SLC25A26: variants seen among roughly 807,000 people sequenced by gnomAD.
SLC25A26 encodes the protein solute carrier family 25 member 26.
A neutral mutation model predicts 37.8 loss-of-function variants in SLC25A26; 36 were observed. The ratio of observed to expected loss-of-function variants is 0.95; its 90% confidence interval spans 0.73 to 1.26. The LOEUF (loss-of-function observed/expected upper bound fraction) is 1.26, where lower values mean the gene tolerates loss of function less well. SLC25A26 is among the 50% of genes most tolerant of loss of function. The pLI, the probability that SLC25A26 is intolerant of heterozygous loss-of-function variation, is 0.00. For missense variants in SLC25A26, 390 were observed against 331.1 expected, an observed-to-expected ratio of 1.18 and a Z score of -1.38; for synonymous variants, 129 against 122.5, an observed-to-expected ratio of 1.05 and a Z score of -0.35.
At chr3:66,236,470 G>GC in intron 1 of SLC25A26, 74 bp from the exon 2 acceptor site, 2 of 1,214,558 alleles carry the variant, frequency 1.6e-6, no homozygotes, top group Non-Finnish European at 2.2e-6. Context: ...TCCTATCTTC[G>GC]CCCCCAAGTG....
intron 1 of SLC25A26, among the ~76,000 whole-genome samples, chr3:66,229,953 A>G (rs1272618462): frequency 6.6e-6 from 1 of 152,200 alleles, no homozygotes; most frequent in African/African-American, 2.4e-5. Flanking sequence ...GTATTCCACA[A>G]AGTGGTCATG....
In SLC25A26 at chr3:66,143,582, C is replaced by G. The variant is rs973748599; in HGVS notation, c.-354+9598C>G. Reference sequence around the variant, plus strand: ...GATGCAAAATGCAAATGAGGTCCCTCGTTTAAAAAAAAAATTATTGGCTGG... The same window carrying G: ...GATGCAAAATGCAAATGAGGTCCCTGGTTTAAAAAAAAAATTATTGGCTGG... On this transcript the variant is annotated intron_variant, in intron 1 of 10. Coordinates refer to the SLC25A26 transcript ENST00000676754. Among the ~76,000 whole-genome samples, 3 of 151,830 alleles carry G rather than the reference C, an allele frequency of 2.0e-5. No homozygotes were observed. The East Asian group carries it at 5.8e-4, about 29-fold the overall frequency.
At chr3:66,204,203 A>T (rs971165160) in intron 1 of SLC25A26, among the ~76,000 whole-genome samples, 1 of 152,120 alleles carries the variant, frequency 6.6e-6, no homozygotes, top group Non-Finnish European at 1.5e-5. Context: ...AGATGGGCGG[A>T]TCACGAGGTC....
At chr3:66,304,733 A>T (rs894398955) in intron 5 of SLC25A26, among the ~76,000 whole-genome samples, 1 of 152,198 alleles carries the variant, frequency 6.6e-6, no homozygotes, top group Non-Finnish European at 1.5e-5. Flanking sequence ...ATTAACCACC[A>T]TGTGGGTGGA....
intron 2 of SLC25A26, among the ~76,000 whole-genome samples, chr3:66,240,217 G>T (rs1488239755): frequency 1.3e-5 from 2 of 152,218 alleles, no homozygotes; most frequent in African/African-American, 4.8e-5. Context: ...ATAGCAAGAG[G>T]AGGTGGCAAA....
chr3:66,255,301 A>C (rs2073255692), intron 3 of SLC25A26, among the ~76,000 whole-genome samples: 1 of 152,166 alleles, frequency 6.6e-6, no homozygotes, highest in Non-Finnish European at 1.5e-5. Flanking sequence ...TAAATATCAA[A>C]AGGAAACATT....
chr3:66,211,966 C>T (rs1005101655), intron 1 of SLC25A26, among the ~76,000 whole-genome samples: 1 of 152,162 alleles, frequency 6.6e-6, no homozygotes, highest in East Asian at 1.9e-4. Context: ...AACAATCTCC[C>T]CTTATCTGCA....
chr3:66,230,944 G>A (rs1027703799), intron 1 of SLC25A26, among the ~76,000 whole-genome samples: 1 of 152,112 alleles, frequency 6.6e-6, no homozygotes, highest in African/African-American at 2.4e-5. Context: ...GAAGGCCAAG[G>A]CTGGTGGATC....
At chr3:66,312,615 A>G (rs1163658175) in intron 5 of SLC25A26, among the ~76,000 whole-genome samples, 1 of 152,002 alleles carries the variant, frequency 6.6e-6, no homozygotes, top group Non-Finnish European at 1.5e-5. Flanking sequence ...CTTGAAACCC[A>G]AGACCCTGGT....
chr3:66,310,616 G>A (rs1209283199), intron 5 of SLC25A26, among the ~76,000 whole-genome samples: 1 of 152,184 alleles, frequency 6.6e-6, no homozygotes, highest in East Asian at 1.9e-4. Context: ...TGTTGTTTTT[G>A]CAGTAGCTGG....
At position 66,328,437 on chromosome 3, in the gene SLC25A26, G is replaced by T. The variant is rs1465264003; in HGVS notation, c.454-17927G>T. On this transcript the variant is annotated intron_variant, in intron 5 of 9. Coordinates refer to ENST00000354883, the MANE Select transcript of SLC25A26 (RefSeq NM_001379210.1). ...ACACATTACCTACTAATAAATAGGA[G>T]ATCAGCTGTGGACTCTAGATTTCCT... Among the ~76,000 whole-genome samples the T allele has an allele frequency of 2.0e-5, 3 of 152,124 alleles. No individual in the cohort carries two copies. The South Asian group carries it at 6.2e-4, about 31-fold the overall frequency.
intron 1 of SLC25A26, among the ~76,000 whole-genome samples, chr3:66,144,877 A>T (rs985875119): frequency 6.6e-6 from 1 of 152,212 alleles, no homozygotes; most frequent in Admixed American, 6.5e-5. Flanking sequence ...ACTCTAGACA[A>T]CATTTACAAG....
At chr3:66,235,580 A>G (rs1465394905) in intron 1 of SLC25A26, among the ~76,000 whole-genome samples, 1 of 152,248 alleles carries the variant, frequency 6.6e-6, no homozygotes, top group Admixed American at 6.5e-5. Flanking sequence ...ACAGATCCAG[A>G]TTCACAGAGA....
intron 1 of SLC25A26, among the ~76,000 whole-genome samples, chr3:66,159,158 G>A (rs1273063195): frequency 6.6e-6 from 1 of 152,224 alleles, no homozygotes; most frequent in Non-Finnish European, 1.5e-5. Flanking sequence ...TGGGTCAGCA[G>A]GCGAGGGATG....
intron 5 of SLC25A26, among the ~76,000 whole-genome samples, chr3:66,271,940 G>A (rs9854995): frequency 0.013 from 1,927 of 151,842 alleles, 44 homozygotes; most frequent in African/African-American, 0.043. Context: ...AAATTATTTG[G>A]TGGTCTCACT....
chr3:66,297,155 A>G (rs374681259), intron 5 of SLC25A26, among the ~76,000 whole-genome samples: 12 of 152,032 alleles, frequency 7.9e-5, no homozygotes, highest in East Asian at 1.9e-4. Flanking sequence ...TGAAACCCCT[A>G]TCTCTATTAA....
intron 1 of SLC25A26, among the ~76,000 whole-genome samples, chr3:66,141,059 A>G (rs1019449531): frequency 1.3e-5 from 2 of 151,638 alleles, no homozygotes; most frequent in Non-Finnish European, 2.9e-5. Flanking sequence ...GGACACACAC[A>G]CACACACACA....
rs149665717 is a variant in SLC25A26, at chr3:66,225,891, C to T, written c.33+4764C>T. ...GAAGTTCCTCATCTCCATCTGAGTCCACTTCAGCCTGGATTTTATTGTCCA... is the reference window on the plus strand; with the variant it reads ...GAAGTTCCTCATCTCCATCTGAGTCTACTTCAGCCTGGATTTTATTGTCCA... On this transcript the variant is annotated intron_variant, in intron 1 of 9. Transcript: ENST00000354883. 1.4e-3 allele frequency among the ~76,000 whole-genome samples: 215 copies of T among 152,244 alleles called. 1 individual carries two copies. The highest frequency in any genetic ancestry group is 5.0e-3 in the African/African-American group (206 of 41,536).
chr3:66,158,501 C>G (rs1254362140), intron 1 of SLC25A26, among the ~76,000 whole-genome samples: 1 of 152,104 alleles, frequency 6.6e-6, no homozygotes, highest in African/African-American at 2.4e-5. Context: ...TACATTAACT[C>G]TATGTTGAAT....
Sources: allele counts gnomAD v4.1 joint callset (sites outside exome capture counted in the v4.1 genomes callset), GRCh38; gene constraint gnomAD v4.1.1; transcripts MANE v1.5; gene names NCBI Gene and HGNC (gene_info 2026-07-23, HGNC 2026-07-21).